The following CHD1L variants were observed in gnomAD, a reference collection of about 807,000 sequenced individuals.
CHD1L encodes the protein chromodomain helicase DNA binding protein 1 like, also known as ATP-dependent chromatin remodeler CHD1L.
Under a neutral mutation model 115.9 loss-of-function variants are expected in CHD1L, and 118 were observed. The observed-to-expected ratio is 1.02, with a 90% CI of 0.88 to 1.19. The LOEUF (loss-of-function observed/expected upper bound fraction) is 1.19. Among genes scored for constraint, CHD1L ranks in the 50% most tolerant of loss-of-function variants. CHD1L has a pLI of 0.00. For missense variants in CHD1L, 1,179 were observed against 1,065.3 expected (o/e 1.11, Z -1.49); for synonymous variants, 411 against 387.1 (o/e 1.06, Z -0.72).
Position 147,265,926 on chromosome 1 carries a change from A to C in CHD1L, c.740-6A>C, listed in dbSNP as rs1172335042. 1.3e-6 allele frequency: 2 copies of C among 1,596,722 alleles called. No individual in the cohort carries two copies. The highest frequency in any genetic ancestry group is 1.7e-6 in the Non-Finnish European group (2 of 1,174,198). ...CACACTTCTTGTATTTTTTTTTCTT[A>C]TGTAGCAAGTGAACTGCACAAACTC... On this transcript the variant is annotated splice_polypyrimidine_tract_variant and splice_region_variant and intron_variant, in intron 7 of 22. Coordinates refer to ENST00000369258, the MANE Select transcript of CHD1L (RefSeq NM_004284.6).
At chr1:147,255,753 T>C (rs1364895597) in intron 3 of CHD1L, 60 bp from the exon 4 acceptor site, 16 of 1,198,512 alleles carry the variant, frequency 1.3e-5, no homozygotes, top group Admixed American at 3.8e-5. Context: ...TTTCCAGATA[T>C]GCACATCCTG....
rs3737844 is a variant in CHD1L at position 147,252,666 on chromosome 1, C to G, written c.171C>G (p.Leu57=). The change falls in exon 2 of 23, where the codon CTC becomes CTG. Residue 57 remains leucine (L), a synonymous_variant. Coordinates refer to ENST00000369258, the MANE Select transcript of CHD1L (RefSeq NM_004284.6). Reference sequence around the variant, plus strand: ...ACCAGCTGGAGGGAGTAAACTGGCTCGCCCAGCGCTTCCATTGTCAGAATG... The same window carrying G: ...ACCAGCTGGAGGGAGTAAACTGGCTGGCCCAGCGCTTCCATTGTCAGAATG... ...RSYQLEGVNW[L]AQRFHCQNGC... The G allele has an allele frequency of 6.2e-7, 1 of 1,614,114 alleles. No homozygotes were observed. The highest frequency in any genetic ancestry group is 1.7e-5 in the Admixed American group (1 of 60,026).
chr1:147,233,689 G>A, the CHD1L span, among the ~76,000 whole-genome samples: 3 of 152,282 alleles, frequency 2.0e-5, no homozygotes, highest in South Asian at 2.1e-4. Context: ...GAAATCGGAT[G>A]GTTGCCGTGT....
chr1:147,215,911 T>C, the CHD1L span: 2 of 1,612,056 alleles, frequency 1.2e-6, no homozygotes, highest in Non-Finnish European at 1.7e-6. Context: ...CACTGATTTG[T>C]AAATACTGGC....
the CHD1L span, among the ~76,000 whole-genome samples, chr1:147,179,849 G>T: frequency 0.83 from 126,765 of 151,868 alleles, 53,678 homozygotes; most frequent in East Asian, 1. Flanking sequence ...AAAAATTATT[G>T]GTGTTGGGGG....
chr1:147,284,327 T>C (rs782497216), intron 15 of CHD1L, 24 bp from the exon 16 acceptor site: 3 of 1,522,704 alleles, frequency 2.0e-6, no homozygotes, highest in Non-Finnish European at 2.7e-6. Flanking sequence ...CTAACATTTC[T>C]CTCTTTGTGT....
the CHD1L span, among the ~76,000 whole-genome samples, chr1:147,221,439 T>C: frequency 5.9e-5 from 9 of 152,198 alleles, no homozygotes; most frequent in Non-Finnish European, 1.3e-4. Context: ...ATTAAAAGCT[T>C]ATTTAAACAT....
rs587598372 is a variant in CHD1L, at chr1:147,256,867, T to C, written c.494+305T>C. On this transcript the variant is annotated intron_variant, in intron 5 of 22. Transcript: ENST00000369258. ...ATGAGATTAAATATACTTTGTATGG[T>C]TAATAGATATTAGGCTCTTTACATG... Among the ~76,000 whole-genome samples the C allele has an allele frequency of 1.1e-4, 16 of 152,328 alleles. No individual in the cohort carries two copies. The East Asian group carries it at 2.5e-3, about 24-fold the overall frequency.
chr1:147,214,473 A>AAT, the CHD1L span, among the ~76,000 whole-genome samples: 1 of 150,864 alleles, frequency 6.6e-6, no homozygotes, highest in Non-Finnish European at 1.5e-5. Flanking sequence ...AAACAAAAAA[A>AAT]AAAAGAGAGA....
At chr1:147,193,130 A>G in the CHD1L span, among the ~76,000 whole-genome samples, 5 of 152,082 alleles carry the variant, frequency 3.3e-5, no homozygotes, top group Non-Finnish European at 2.9e-5. Context: ...CTGTGAATCC[A>G]TCTGGTCCTG....
chr1:147,267,995 A>G (rs1005548625), intron 9 of CHD1L, among the ~76,000 whole-genome samples: 14 of 152,134 alleles, frequency 9.2e-5, no homozygotes, highest in Admixed American at 2.0e-4. Context: ...CTGTTGCCCA[A>G]CCAATGGTTA....
the CHD1L span, among the ~76,000 whole-genome samples, chr1:147,198,181 A>C: frequency 6.6e-6 from 1 of 152,226 alleles, no homozygotes; most frequent in East Asian, 1.9e-4. Context: ...GGTAGCCCAT[A>C]AGCTGAGATC....
intron 4 of CHD1L, among the ~76,000 whole-genome samples, chr1:147,256,282 C>T (rs1269555479): frequency 6.6e-6 from 1 of 152,034 alleles, no homozygotes; most frequent in Non-Finnish European, 1.5e-5. Context: ...AAGACAGCTC[C>T]GGCCTTATTT....
At chr1:147,279,850 C>T (rs1680114118) in intron 14 of CHD1L, among the ~76,000 whole-genome samples, 176 bp from the exon 15 acceptor site, 1 of 152,174 alleles carries the variant, frequency 6.6e-6, no homozygotes, top group Admixed American at 6.5e-5. Context: ...GCTTACCCAT[C>T]ATCCAACTAT....
the CHD1L span, among the ~76,000 whole-genome samples, chr1:147,193,987 A>C: frequency 2.8e-3 from 428 of 152,132 alleles, 1 homozygote; most frequent in Non-Finnish European, 5.3e-3. Flanking sequence ...TATTCCGTTG[A>C]TTTGGGGTGG....
At chr1:147,268,914 A>G (rs1553950684) in intron 10 of CHD1L, 36 bp downstream of exon 10, 3 of 1,534,896 alleles carry the variant, frequency 2.0e-6, no homozygotes, top group Admixed American at 1.7e-5. Context: ...CTCTGAGCTA[A>G]TGACTGTTAA....
At chr1:147,254,725 CCT>C (rs1571693219) in intron 2 of CHD1L, 143 bp from the exon 3 acceptor site, 4 of 502,412 alleles carry the variant, frequency 8.0e-6, no homozygotes, top group East Asian at 6.4e-5. Flanking sequence ...GGATTACTCC[CCT>C]GATATGCGGA....
chr1:147,182,058 A>T, the CHD1L span, among the ~76,000 whole-genome samples: 175 of 152,332 alleles, frequency 1.1e-3, 1 homozygote, highest in African/African-American at 4.0e-3. Flanking sequence ...GAGTAAGAAG[A>T]TCACATAACT....
chr1:147,231,961 C>G, the CHD1L span, among the ~76,000 whole-genome samples: 2 of 152,174 alleles, frequency 1.3e-5, no homozygotes, highest in Admixed American at 6.5e-5. Flanking sequence ...CTGACACTCC[C>G]CAGTGAGATG....
Sources: gnomAD v4.1 joint callset for allele counts (sites outside exome capture counted in the v4.1 genomes callset) on GRCh38, gnomAD v4.1.1 for gene constraint, MANE v1.5 for transcripts, NCBI Gene and HGNC (gene_info 2026-07-23, HGNC 2026-07-21) for gene names.